Variants in NR6A1 observed in about 807,000 individuals in gnomAD.
NR6A1 encodes retinoic acid receptor-related testis-associated receptor.
NR6A1 carries 7 observed loss-of-function variants against 59.1 expected under a neutral mutation model. The observed-to-expected ratio is 0.12, with a 90% CI of 0.07 to 0.22. The LOEUF (loss-of-function observed/expected upper bound fraction) is 0.22. NR6A1 is among the 10% of genes least tolerant of loss of function. The pLI is 1.00. For missense variants in NR6A1, 468 were observed against 611.6 expected, an observed-to-expected ratio of 0.77 and a Z score of 2.48; for synonymous variants, 243 against 236.1, an observed-to-expected ratio of 1.03 and a Z score of -0.27.
At chr9:124,599,256 A>C in intron 2 of NR6A1, 1 of 425,384 alleles carries the variant, frequency 2.4e-6, no homozygotes, top group Non-Finnish European at 4.4e-6. Context: ...CAGTCTCGTC[A>C]ACATGGTGAA....
At chr9:124,652,330 CTT>C (rs1837131833) in intron 2 of NR6A1, among the ~76,000 whole-genome samples, 1 of 152,160 alleles carries the variant, frequency 6.6e-6, no homozygotes. Context: ...AAGGGTATGA[CTT>C]TTAAAATTAA....
intron 2 of NR6A1, chr9:124,599,067 G>GGCA (rs1835370040): frequency 1.4e-6 from 1 of 727,850 alleles, no homozygotes; most frequent in Admixed American, 1.9e-5. Flanking sequence ...TGCTTCAGGA[G>GGCA]CTTGACGTCA....
Position 124,687,298 on chromosome 9 carries a change from AT to A in NR6A1, c.142+46009del, listed in dbSNP as rs1838367575. Among the ~76,000 whole-genome samples the A allele has an allele frequency of 2.7e-5, 4 of 150,420 alleles. No homozygotes were observed. In the East Asian group the frequency reaches 7.9e-4, roughly 30 times the overall value. ...ACCACAGCCAGCTAATTAATTATTT[AT>A]TTATTTATTTATTTATTTATTGGTA... On this transcript the variant is annotated intron_variant, in intron 2 of 9. Coordinates refer to ENST00000487099, the MANE Select transcript of NR6A1 (RefSeq NM_033334.4).
At chr9:124,670,182 C>G (rs1018728489) in intron 2 of NR6A1, among the ~76,000 whole-genome samples, 1 of 150,512 alleles carries the variant, frequency 6.6e-6, no homozygotes, top group Non-Finnish European at 1.5e-5. Context: ...GAGTTTGAGA[C>G]CAGCCCAGCC....
chr9:124,616,624 A>G (rs1341864311), intron 2 of NR6A1, among the ~76,000 whole-genome samples: 1 of 152,144 alleles, frequency 6.6e-6, no homozygotes, highest in Admixed American at 6.5e-5. Flanking sequence ...ATACACACAC[A>G]TATATTAGTA....
At chr9:124,548,374 T>G (rs982991593) in intron 3 of NR6A1, among the ~76,000 whole-genome samples, 1 of 152,214 alleles carries the variant, frequency 6.6e-6, no homozygotes, top group Non-Finnish European at 1.5e-5. Context: ...CCCAGCACTT[T>G]GGGAGACTGA....
rs780925768 is a variant in NR6A1 at position 124,553,549 on chromosome 9, CTTTTTTT to C, written c.385+772_385+778del. 2.1e-4 allele frequency among the ~76,000 whole-genome samples: 10 copies of C among 47,310 alleles called. No homozygotes were observed. In the East Asian group the frequency reaches 3.1e-3, roughly 15 times the overall value. 31.0% of individuals were successfully genotyped at this position (47,310 alleles called of 152,430 possible). On this transcript the variant is annotated intron_variant, in intron 3 of 9. Coordinates refer to ENST00000487099, the MANE Select transcript of NR6A1 (RefSeq NM_033334.4). ...GAAATCACCCTGCTTTTTAGCTTGA[CTTTTTTT>C]TTTTTTTTTTTTTTTTTTCGTTTTT...
chr9:124,534,712 C>T (rs1833204156), intron 7 of NR6A1, among the ~76,000 whole-genome samples: 1 of 152,212 alleles, frequency 6.6e-6, no homozygotes, highest in African/African-American at 2.4e-5. Flanking sequence ...AAATCTAAGG[C>T]TCTGGATTCA....
chr9:124,652,444 T>A (rs1254219992), intron 2 of NR6A1, among the ~76,000 whole-genome samples: 1 of 152,200 alleles, frequency 6.6e-6, no homozygotes, highest in Non-Finnish European at 1.5e-5. Flanking sequence ...CTCTGCAAAA[T>A]GAGGATAATA....
At chr9:124,750,763 A>AAAAT (rs541740584) in intron 1 of NR6A1, among the ~76,000 whole-genome samples, 160 of 152,240 alleles carry the variant, frequency 1.1e-3, no homozygotes, top group East Asian at 3.1e-3. Context: ...CCGTCTCAAA[A>AAAAT]AAATAAATAA....
intron 2 of NR6A1, among the ~76,000 whole-genome samples, chr9:124,701,756 T>C (rs1838959222): frequency 6.6e-6 from 1 of 152,210 alleles, no homozygotes; most frequent in Non-Finnish European, 1.5e-5. Context: ...GGAGTTTCGC[T>C]CTTGTTGCCC....
intron 1 of NR6A1, among the ~76,000 whole-genome samples, chr9:124,765,682 T>G (rs1322062530): frequency 6.6e-6 from 1 of 152,200 alleles, no homozygotes; most frequent in Non-Finnish European, 1.5e-5. Flanking sequence ...GCTCCCAAAC[T>G]AAATCACTGT....
intron 1 of NR6A1, among the ~76,000 whole-genome samples, chr9:124,740,301 T>C (rs372760464): frequency 2.6e-4 from 39 of 152,332 alleles, no homozygotes; most frequent in African/African-American, 7.5e-4. Context: ...ACAACATGGC[T>C]GAAACTATAG....
intron 2 of NR6A1, among the ~76,000 whole-genome samples, chr9:124,595,125 A>G (rs1835234332): frequency 6.6e-6 from 1 of 152,240 alleles, no homozygotes; most frequent in Admixed American, 6.5e-5. Flanking sequence ...TTTCTCACAT[A>G]ACTAGGAGAC....
intron 2 of NR6A1, among the ~76,000 whole-genome samples, chr9:124,666,503 G>A (rs1024980000): frequency 8.6e-5 from 13 of 151,996 alleles, no homozygotes; most frequent in Non-Finnish European, 2.9e-5. Flanking sequence ...AGTCTCGAAC[G>A]CCTGGGCTCA....
At chr9:124,528,818 A>G (rs999025150) in intron 7 of NR6A1, among the ~76,000 whole-genome samples, 8 of 152,256 alleles carry the variant, frequency 5.3e-5, no homozygotes, top group Non-Finnish European at 1.0e-4. Context: ...AACTATTTAC[A>G]TGGCATTTAC....
In NR6A1 at chr9:124,538,324, A is replaced by T; in HGVS notation, c.597-5T>A. ...CCATTCAGTTCCACAGACCTACTGG[A>T]GAGAAAAGTCTTGCGTCAAACAGAG... is the stretch of plus-strand genomic sequence containing the variant. On this transcript the variant is annotated splice_region_variant and splice_polypyrimidine_tract_variant and intron_variant, in intron 5 of 9. Transcript: ENST00000487099. 2.5e-6 allele frequency: 4 copies of T among 1,609,890 alleles called. No homozygotes were observed. The highest frequency in any genetic ancestry group is 3.4e-6 in the Non-Finnish European group (4 of 1,176,838).
intron 1 of NR6A1, among the ~76,000 whole-genome samples, chr9:124,751,088 A>T (rs1386444688): frequency 1.3e-5 from 2 of 152,206 alleles, no homozygotes; most frequent in African/African-American, 2.4e-5. Flanking sequence ...GCAAAATGAA[A>T]ATAATGTTAC....
intron 9 of NR6A1, among the ~76,000 whole-genome samples, 186 bp from the exon 10 acceptor site, chr9:124,522,979 C>A (rs564890719): frequency 2.3e-4 from 35 of 152,210 alleles, no homozygotes; most frequent in African/African-American, 8.4e-4. Flanking sequence ...CCTTTGGGTG[C>A]CCAGGGAGCC....
Sources: gnomAD v4.1 joint callset for allele counts (sites outside exome capture counted in the v4.1 genomes callset) on GRCh38, gnomAD v4.1.1 for gene constraint, MANE v1.5 for transcripts, NCBI Gene and HGNC (gene_info 2026-07-23, HGNC 2026-07-21) for gene names.